Variants in ZNF318 observed in about 807,000 individuals in gnomAD.
ZNF318 encodes zinc finger protein 318.
Under a neutral mutation model 124.2 loss-of-function variants are expected in ZNF318, and 51 were observed. That is an observed-to-expected ratio of 0.41 (90% CI 0.33 to 0.52). The LOEUF is 0.52. Ranked by LOEUF, ZNF318 falls within the 20% of genes least tolerant of loss-of-function variation. ZNF318 has a pLI of 0.23. For missense variants in ZNF318, 2,815 were observed against 2,811.2 expected (o/e 1.00, Z -0.03); for synonymous variants, 1,090 against 1,040.7 (o/e 1.05, Z -0.91).
Position 43,336,257 on chromosome 6 carries a change from T to C in ZNF318, c.*901A>G, listed in dbSNP as rs1779277950. ...ACATATGGGTTTGTGGAACAGGGAATGAGTTCAATCTCAAGACAAGTTTCA... is the reference window on the plus strand; with the variant it reads ...ACATATGGGTTTGTGGAACAGGGAACGAGTTCAATCTCAAGACAAGTTTCA... On this transcript the variant is annotated 3_prime_UTR_variant, in exon 10 of 10. Transcript: ENST00000361428. The C allele has an allele frequency of 6.6e-6, 1 of 152,588 alleles. No homozygotes were observed. The highest frequency in any genetic ancestry group is 2.1e-4 in the South Asian group (1 of 4,830). 9.5% of individuals were successfully genotyped at this position (152,588 alleles called of 1,614,324 possible). A position where few individuals can be genotyped will look rare whatever the true frequency, so the allele number is the denominator to read the frequency against.
Position 43,340,121 on chromosome 6 carries a change from G to A in ZNF318, c.3877C>T (p.Pro1293Ser). 1 of 1,614,030 alleles carries A rather than the reference G, an allele frequency of 6.2e-7. No individual in the cohort carries two copies. The highest frequency in any genetic ancestry group is 1.1e-5 in the South Asian group (1 of 91,060). The change falls in exon 10 of 10, where the codon CCA becomes TCA. Residue 1293 changes from proline (P) to serine (S), a missense_variant. Physicochemically the swap from Pro to Ser is moderately conservative, Grantham distance 74 (BLOSUM62 -1). Coordinates refer to ENST00000361428, the MANE Select transcript of ZNF318 (RefSeq NM_014345.3). ...KEEEKSSLVT[P>S]SISKEEILES... is the part of the protein sequence containing the mutation. Reference sequence around the variant, plus strand: ...AGAATCTCTTCTTTAGAGATACTTGGGGTCACCAATGAACTTTTCTCCTCT... The same window carrying A: ...AGAATCTCTTCTTTAGAGATACTTGAGGTCACCAATGAACTTTTCTCCTCT...
rs962257782 is a variant in ZNF318, at chr6:43,338,199, A to G, written c.5799T>C (p.Ser1933=). The part of the protein sequence containing the change: ...NSAPESASRT[S]RYRSLKLKRE... ...TCTTGAGTTTGAGACTTCTGTACCT[A>G]GAAGTTCTAGAAGCTGATTCTGGAG... Residue 1933 remains serine (S), a synonymous_variant, in exon 10 of 10, where the codon TCT becomes TCC. Coordinates refer to ENST00000361428, the MANE Select transcript of ZNF318 (RefSeq NM_014345.3). The G allele has an allele frequency of 5.6e-6, 9 of 1,614,012 alleles. No homozygotes were observed. Among genetic ancestry groups the G allele is most frequent in the African/African-American group, 1.3e-5 (1 of 74,922 alleles).
intron 1 of ZNF318, 116 bp downstream of exon 1, chr6:43,368,851 G>A (rs2150759722): frequency 8.1e-7 from 1 of 1,237,044 alleles, no homozygotes; most frequent in Non-Finnish European, 1.0e-6. Flanking sequence ...GAGGGAGTTG[G>A]CCGGAGGCTT....
rs147691068 is a variant in ZNF318 at position 43,355,808 on chromosome 6, C to A, written c.1526G>T (p.Arg509Leu). The change falls in exon 4 of 10, where the codon CGC becomes CTC. Residue 509 changes from arginine (R) to leucine (L), a missense_variant. This residue lies in a region of ZNF318 where 1,377 missense variants were observed against 1,353.5 expected (regional missense o/e 1.02). Coordinates refer to ENST00000361428, the MANE Select transcript of ZNF318 (RefSeq NM_014345.3). ...RASQDGSGFS[R>L]ILSMLADSTS... Reference sequence around the variant, plus strand: ...AGAATCAGCCAACATGCTCAGAATGCGGGAAAAACCACTGCCATCCTGGCT... The same window carrying A: ...AGAATCAGCCAACATGCTCAGAATGAGGGAAAAACCACTGCCATCCTGGCT... The A allele has an allele frequency of 1.9e-5, 30 of 1,614,122 alleles. No homozygotes were observed. The highest frequency in any genetic ancestry group is 2.4e-5 in the Non-Finnish European group (28 of 1,180,046).
At position 43,357,851 on chromosome 6, in the gene ZNF318, G is replaced by C. The variant is rs189733561; in HGVS notation, c.549-86C>G. The stretch of plus-strand genomic sequence containing the variant: ...GCTAAGAGACTGGTGTTTGTCAAGG[G>C]GGCTATAAAATGCTTAGGGCAAAAG... On this transcript the variant is annotated intron_variant, in intron 2 of 9. Coordinates refer to ENST00000361428, the MANE Select transcript of ZNF318 (RefSeq NM_014345.3). The C allele has an allele frequency of 1.0e-5, 13 of 1,288,208 alleles. No homozygotes were observed. The East Asian group carries it at 2.5e-4, about 25-fold the overall frequency. 79.8% of individuals were successfully genotyped at this position (1,288,208 alleles called of 1,614,324 possible).
chr6:43,342,341 C>T, intron 7 of ZNF318, 130 bp from the exon 8 acceptor site: 1 of 653,394 alleles, frequency 1.5e-6, no homozygotes. Context: ...ACCCCCTCTG[C>T]CAACTGTTTT....
In ZNF318 at chr6:43,336,930, G is replaced by GAT. The variant is rs113486749; in HGVS notation, c.*226_*227dup. On this transcript the variant is annotated 3_prime_UTR_variant, in exon 10 of 10. Transcript: ENST00000361428. The stretch of plus-strand genomic sequence containing the variant: ...AAAATTAACAAAATACATTTTTACA[G>GAT]ATATATATATATATATATAAGTTGT... The GAT allele has an allele frequency of 0.048, 9,847 of 203,528 alleles. 217 individuals carry two copies. Among genetic ancestry groups the GAT allele is most frequent in the African/African-American group, 0.075 (3,141 of 42,030 alleles). The allele number at this position is 203,528 out of a possible 1,614,324, so 12.6% of individuals were successfully genotyped here.
intron 4 of ZNF318, 24 bp from the exon 5 acceptor site, chr6:43,352,500 G>A: frequency 1.9e-6 from 3 of 1,586,584 alleles, no homozygotes; most frequent in Non-Finnish European, 2.6e-6. Context: ...AGTGGTAAGA[G>A]AGTCCATCTC....
intron 1 of ZNF318, among the ~76,000 whole-genome samples, chr6:43,367,129 C>T (rs531364672): frequency 5.9e-5 from 9 of 152,196 alleles, no homozygotes; most frequent in Non-Finnish European, 8.8e-5. Context: ...GGATTACAGG[C>T]GTGAGCCACC....
rs761675113 is a variant in ZNF318 at position 43,355,027 on chromosome 6, A to C, written c.2307T>G (p.Phe769Leu). Residue 769 changes from phenylalanine to leucine, a missense_variant, in exon 4 of 10, where the codon TTT becomes TTG. Physicochemically the swap from Phe to Leu is conservative, Grantham distance 22. Transcript: ENST00000361428. ...AGTTCGGAGGTATCCGAGCTGCAGC[A>C]AACTGAGAGGCCCTTGGCATGTGAA... ...SQFHMPRASQFAAARIPPNYQ... is the reference protein window; with the variant it reads ...SQFHMPRASQLAAARIPPNYQ... The C allele has an allele frequency of 6.2e-7, 1 of 1,613,526 alleles. No homozygotes were observed. Among genetic ancestry groups the C allele is most frequent in the East Asian group, 2.2e-5 (1 of 44,874 alleles).
chr6:43,348,555 C>A lies in ZNF318; in HGVS notation c.2841G>T (p.Arg947=). Residue 947 remains arginine, a synonymous_variant, in exon 6 of 10, where the codon CGG becomes CGT. Transcript: ENST00000361428. The stretch of plus-strand genomic sequence containing the variant: ...TGTCCTTCATAATGTTATCCTGAAG[C>A]CGACTCACCTCCACCAAGAGAGGAT... ...HKDPLLVEVS[R]LQDNIMKDIA... is the part of the protein sequence containing the mutation. The A allele has an allele frequency of 1.2e-6, 2 of 1,614,166 alleles. No homozygotes were observed. Among genetic ancestry groups the A allele is most frequent in the Non-Finnish European group, 1.7e-6 (2 of 1,180,030 alleles).
Position 43,339,793 on chromosome 6 carries a change from G to A in ZNF318, c.4205C>T (p.Pro1402Leu), listed in dbSNP as rs751528931. Residue 1402 changes from proline (P) to leucine (L), a missense_variant, in exon 10 of 10, where the codon CCT becomes CTT. This residue lies in a region of ZNF318 where 500 missense variants were observed against 605.2 expected (regional missense o/e 0.83). Transcript: ENST00000361428. This position sits in a 1 kb window ranked among gnomAD's most constrained non-coding sequence, Gnocchi z 4.2. ...AAATGCTTTGGAGATGATGTCTGGAGGTAAGAGGAGATCAGCTGAAGACTC... is the reference window on the plus strand; with the variant it reads ...AAATGCTTTGGAGATGATGTCTGGAAGTAAGAGGAGATCAGCTGAAGACTC... The part of the protein sequence containing the change: ...VKESSADLLL[P>L]PDIISKAFGG... 6.2e-7 allele frequency: 1 copy of A among 1,614,186 alleles called. No individual in the cohort carries two copies.
chr6:43,353,922 T>C (rs1009137120), intron 4 of ZNF318, among the ~76,000 whole-genome samples: 1 of 152,120 alleles, frequency 6.6e-6, no homozygotes, highest in Non-Finnish European at 1.5e-5. Flanking sequence ...GGGGACCCAA[T>C]GAACCTGGAT....
Position 43,337,308 on chromosome 6 carries a change from G to A in ZNF318, c.6690C>T (p.Gly2230=), listed in dbSNP as rs779185461. 28 of 1,614,000 alleles carry A rather than the reference G, an allele frequency of 1.7e-5. No homozygotes were observed. Among genetic ancestry groups the A allele is most frequent in the Admixed American group, 1.5e-4 (9 of 59,990 alleles). Residue 2230 remains glycine (G), a synonymous_variant, in exon 10 of 10, where the codon GGC becomes GGT. Coordinates refer to ENST00000361428, the MANE Select transcript of ZNF318 (RefSeq NM_014345.3). ...VAILQVDDDS[G]DPLNLVKAPV... ...GAGCTTTAACCAAATTCAGAGGGTC[G>A]CCACTGTCATCATCTACTTGCAGAA... is the stretch of plus-strand genomic sequence containing the variant.
In ZNF318 at chr6:43,369,036, G is replaced by C; in HGVS notation, c.330C>G (p.Ser110Arg). The C allele has an allele frequency of 1.4e-6, 2 of 1,398,914 alleles. No individual in the cohort carries two copies. The highest frequency in any genetic ancestry group is 1.9e-6 in the Non-Finnish European group (2 of 1,072,610). The allele number at this position is 1,398,914 out of a possible 1,614,324, so 86.7% of individuals were successfully genotyped here. The change falls in exon 1 of 10, where the codon AGC (serine) becomes AGG (arginine). Residue 110 changes from serine (S) to arginine (R), a missense_variant. Coordinates refer to ENST00000361428, the MANE Select transcript of ZNF318 (RefSeq NM_014345.3). ...CATAGTCGGCGCGGGACTCCCCCCG[G>C]CTGCTGCCTCTGAAGCCGGCCGGGC... ...PPGPAGFRGSSRGESRADYAR... is the reference protein window; with the variant it reads ...PPGPAGFRGSRRGESRADYAR...
intron 6 of ZNF318, among the ~76,000 whole-genome samples, chr6:43,344,884 C>T (rs969834159): frequency 1.3e-5 from 2 of 151,070 alleles, no homozygotes; most frequent in African/African-American, 4.9e-5. Flanking sequence ...TATAATAATA[C>T]CTTGGTGTAT....
At chr6:43,350,950 T>A (rs1779515866) in intron 5 of ZNF318, among the ~76,000 whole-genome samples, 1 of 152,196 alleles carries the variant, frequency 6.6e-6, no homozygotes, top group Admixed American at 6.5e-5. Context: ...TCTATAAGAT[T>A]CATATTAATT....
At chr6:43,367,901 T>C (rs1581654102) in intron 1 of ZNF318, among the ~76,000 whole-genome samples, 1 of 152,208 alleles carries the variant, frequency 6.6e-6, no homozygotes, top group East Asian at 1.9e-4. Context: ...GGCAGGCGCC[T>C]ATAATCCCAG....
At position 43,357,579 on chromosome 6, in the gene ZNF318, C is replaced by A. The variant is rs765967114; in HGVS notation, c.735G>T (p.Glu245Asp). 1 of 1,614,144 alleles carries A rather than the reference C, an allele frequency of 6.2e-7. No homozygotes were observed. The highest frequency in any genetic ancestry group is 1.7e-5 in the Admixed American group (1 of 60,026). The change falls in exon 3 of 10, where the codon GAG becomes GAT. Residue 245 changes from glutamate to aspartate, a missense_variant. Physicochemically the swap from Glu to Asp is conservative, Grantham distance 45 (BLOSUM62 2). Around this residue, in one of 4 missense-constraint regions of ZNF318, gnomAD observed 1,377 missense variants for 1,353.5 expected, o/e 1.02. Coordinates refer to ENST00000361428, the MANE Select transcript of ZNF318 (RefSeq NM_014345.3). ...GATTCCGTTCTGTTCCCCGCAACAG[C>A]TCATCATGACAACTGATATGGGGAC... ...DYSPHISCHD[E>D]LLRGTERNRE... is the part of the protein sequence containing the mutation.
Sources: allele counts gnomAD v4.1 joint callset (sites outside exome capture counted in the v4.1 genomes callset), GRCh38; gene constraint gnomAD v4.1.1; regional missense constraint gnomAD v4.1.1; non-coding constraint Gnocchi (gnomAD v3.1); transcripts MANE v1.5; gene names NCBI Gene and HGNC (gene_info 2026-07-23, HGNC 2026-07-21).